Variants in SORCS3 observed in about 807,000 individuals in gnomAD.
SORCS3 encodes VPS10 domain-containing receptor SorCS3.
Under a neutral mutation model 146.3 loss-of-function variants are expected in SORCS3, and 57 were observed. That is an observed-to-expected ratio of 0.39 (90% CI 0.31 to 0.49). SORCS3 has a LOEUF of 0.49. Among genes scored for constraint, SORCS3 ranks in the 20% least tolerant of loss-of-function variants. SORCS3 has a pLI of 0.92. For synonymous variants in SORCS3, 653 were observed against 618.5 expected (o/e 1.06, Z -0.83); for missense variants, 1,341 against 1,575.5 (o/e 0.85, Z 2.52).
chr10:104,852,788 G>A (rs1302857162), intron 2 of SORCS3, among the ~76,000 whole-genome samples: 1 of 152,164 alleles, frequency 6.6e-6, no homozygotes, highest in Non-Finnish European at 1.5e-5. Context: ...CGACCATAAA[G>A]GTTAATAATT....
In SORCS3 at chr10:104,973,209, T is replaced by C. The variant is rs1189802594; in HGVS notation, c.796-4126T>C. Among the ~76,000 whole-genome samples, 60 of 152,312 alleles carry C rather than the reference T, an allele frequency of 3.9e-4. No homozygotes were observed. In the East Asian group the frequency reaches 0.011, roughly 28 times the overall value. On this transcript the variant is annotated intron_variant, in intron 3 of 26. Transcript: ENST00000369701. ...TGGTATGAGGATGATGCTGGCCTCA[T>C]AAAATGAGTTAGGGAGGATTCCCTC... is the stretch of plus-strand genomic sequence containing the variant.
intron 1 of SORCS3, among the ~76,000 whole-genome samples, chr10:104,657,936 G>C (rs2015652981): frequency 6.6e-6 from 1 of 152,234 alleles, no homozygotes. Context: ...GTTGCAGGGA[G>C]ATTGGTAGGA....
At chr10:105,199,861 C>T (rs989159570) in intron 14 of SORCS3, 138 bp from the exon 15 acceptor site, 2 of 655,376 alleles carry the variant, frequency 3.1e-6, no homozygotes, top group Non-Finnish European at 2.7e-6. Context: ...CTTAATGGCC[C>T]TCAAGGAACT....
chr10:104,812,666 G>A (rs2133519793), intron 1 of SORCS3, among the ~76,000 whole-genome samples: 1 of 152,298 alleles, frequency 6.6e-6, no homozygotes, highest in East Asian at 1.9e-4. Context: ...ATTGGAACCA[G>A]GTTTTACTCT....
Position 105,084,837 on chromosome 10 carries a change from T to C in SORCS3, c.1029-4938T>C, listed in dbSNP as rs1297914350. On this transcript the variant is annotated intron_variant, in intron 5 of 26. Transcript: ENST00000369701. The stretch of plus-strand genomic sequence containing the variant: ...GCTCCACCTCCCGGGTTCACGCCAT[T>C]CTCCTGCCTTAGCCTCCCGAGTAGC... Among the ~76,000 whole-genome samples, 4 of 151,874 alleles carry C rather than the reference T, an allele frequency of 2.6e-5. No individual in the cohort carries two copies. In the East Asian group the frequency reaches 7.8e-4, roughly 29 times the overall value.
intron 7 of SORCS3, among the ~76,000 whole-genome samples, chr10:105,111,436 A>G (rs2055858462): frequency 6.6e-6 from 1 of 152,166 alleles, no homozygotes; most frequent in African/African-American, 2.4e-5. Flanking sequence ...GCTGAACTGA[A>G]CTGAACTGAG....
At chr10:104,985,386 A>T (rs2133657947) in intron 4 of SORCS3, among the ~76,000 whole-genome samples, 1 of 152,178 alleles carries the variant, frequency 6.6e-6, no homozygotes, top group Admixed American at 6.5e-5. Context: ...TCCACTTATA[A>T]TTCTACTATT....
chr10:104,835,622 C>T (rs189648395), intron 1 of SORCS3, among the ~76,000 whole-genome samples: 88 of 152,266 alleles, frequency 5.8e-4, no homozygotes, highest in Middle Eastern at 6.8e-3. Flanking sequence ...GAACAGGAAT[C>T]CCCTGGGGCT....
chr10:104,678,163 T>C (rs2015933294), intron 1 of SORCS3, among the ~76,000 whole-genome samples: 1 of 130,376 alleles, frequency 7.7e-6, no homozygotes, highest in Non-Finnish European at 1.8e-5. Flanking sequence ...ATAAAGGGAG[T>C]GTACTTTAAG....
intron 1 of SORCS3, among the ~76,000 whole-genome samples, chr10:104,823,620 G>T (rs1488264788): frequency 6.6e-6 from 1 of 152,032 alleles, no homozygotes; most frequent in African/African-American, 2.4e-5. Flanking sequence ...CAAAGTGCAG[G>T]TCCTAAAAGG....
intron 2 of SORCS3, among the ~76,000 whole-genome samples, chr10:104,858,876 C>T (rs1235138269): frequency 6.6e-6 from 1 of 150,834 alleles, no homozygotes; most frequent in East Asian, 1.9e-4. Flanking sequence ...CCCCCTCAGC[C>T]TCCCAAAGTG....
In SORCS3 at chr10:104,916,819, C is replaced by T. The variant is rs76338339; in HGVS notation, c.795+887C>T. 1.6e-4 allele frequency among the ~76,000 whole-genome samples: 25 copies of T among 152,236 alleles called. No homozygotes were observed. In the East Asian group the frequency reaches 4.8e-3, roughly 29 times the overall value. ...CTCTTGCAATCTGATTTGCATTCCCCCGTGGTTTTGCCAGTGCTTTCTTCC... is the reference window on the plus strand; with the variant it reads ...CTCTTGCAATCTGATTTGCATTCCCTCGTGGTTTTGCCAGTGCTTTCTTCC... On this transcript the variant is annotated intron_variant, in intron 3 of 26. Transcript: ENST00000369701.
intron 4 of SORCS3, among the ~76,000 whole-genome samples, chr10:105,014,553 T>G (rs76888391): frequency 0.013 from 1,916 of 152,282 alleles, 26 homozygotes; most frequent in Non-Finnish European, 0.021. Context: ...TAAGTATCTA[T>G]TTTGTATAAA....
Position 105,030,498 on chromosome 10 carries a change from T to A in SORCS3, c.955-12557T>A, listed in dbSNP as rs1439372945. ...TGCACAAAACAGGGAAACTGTCATT[T>A]ACATTGAATTCTGATACCAAAACAA... On this transcript the variant is annotated intron_variant, in intron 4 of 26. Coordinates refer to ENST00000369701, the MANE Select transcript of SORCS3 (RefSeq NM_014978.3). Among the ~76,000 whole-genome samples the A allele has an allele frequency of 4.6e-5, 7 of 152,308 alleles. No individual in the cohort carries two copies. The East Asian group carries it at 1.4e-3, about 29-fold the overall frequency.
chr10:104,976,459 G>A (rs2054897982), intron 3 of SORCS3, among the ~76,000 whole-genome samples: 1 of 152,134 alleles, frequency 6.6e-6, no homozygotes, highest in Non-Finnish European at 1.5e-5. Context: ...TTACACTGTT[G>A]GGGGGACTGT....
chr10:105,180,019 C>T (rs973008555), intron 14 of SORCS3, among the ~76,000 whole-genome samples: 1 of 152,186 alleles, frequency 6.6e-6, no homozygotes, highest in African/African-American at 2.4e-5. Context: ...CTGTTGCTTT[C>T]TCTTATCCAT....
intron 1 of SORCS3, among the ~76,000 whole-genome samples, chr10:104,701,099 T>A (rs144703740): frequency 6.6e-6 from 1 of 152,204 alleles, no homozygotes; most frequent in Non-Finnish European, 1.5e-5. Flanking sequence ...ATAAAATCCC[T>A]GGCTTTTGTT....
rs113560691 is a variant in SORCS3 at position 105,044,686 on chromosome 10, GT to G, written c.1028+1569del. Among the ~76,000 whole-genome samples, 771 of 145,458 alleles carry G rather than the reference GT, an allele frequency of 5.3e-3. 2 individuals carry two copies. Among genetic ancestry groups the G allele is most frequent in the Middle Eastern group, 0.014 (4 of 282 alleles). ...CTAAGCATTCTATGAAAAATCAACTGTTTTTTTTTTTGTTTTGTTGTTTTGT... is the reference window on the plus strand; with the variant it reads ...CTAAGCATTCTATGAAAAATCAACTGTTTTTTTTTTGTTTTGTTGTTTTGT... On this transcript the variant is annotated intron_variant, in intron 5 of 26. Coordinates refer to ENST00000369701, the MANE Select transcript of SORCS3 (RefSeq NM_014978.3).
At chr10:105,173,084 C>A (rs2056372795) in intron 13 of SORCS3, among the ~76,000 whole-genome samples, 1 of 152,028 alleles carries the variant, frequency 6.6e-6, no homozygotes, top group Non-Finnish European at 1.5e-5. Flanking sequence ...GTCTTCTTAA[C>A]AATATTACAG....
Sources: allele counts gnomAD v4.1 joint callset (sites outside exome capture counted in the v4.1 genomes callset), GRCh38; gene constraint gnomAD v4.1.1; transcripts MANE v1.5; gene names NCBI Gene and HGNC (gene_info 2026-07-23, HGNC 2026-07-21).